The following DNAJC13 variants were observed in gnomAD, a reference collection of about 807,000 sequenced individuals.
DNAJC13 encodes the protein DnaJ heat shock protein family (Hsp40) member C13, also known as dnaJ homolog subfamily C member 13.
In DNAJC13, 75 loss-of-function variants were observed where a neutral mutation model predicts 290.5. The observed-to-expected ratio is 0.26, with a 90% confidence interval of 0.21 to 0.31. The LOEUF (loss-of-function observed/expected upper bound fraction) is 0.31, where lower values mean the gene tolerates loss of function less well. DNAJC13 is among the 10% of genes least tolerant of loss of function. DNAJC13 has a pLI of 1.00. For synonymous variants in DNAJC13, 862 were observed against 892.0 expected (o/e 0.97, Z 0.60); for missense variants, 2,260 against 2,674.5 (o/e 0.85, Z 3.42).
Position 132,472,622 on chromosome 3 carries a change from T to A in DNAJC13, c.2209-523T>A, listed in dbSNP as rs1412645385. The A allele has an allele frequency of 3.1e-6, 3 of 979,890 alleles. No individual in the cohort carries two copies. In the East Asian group the frequency reaches 3.4e-4, roughly 111 times the overall value. The allele number at this position is 979,890 out of a possible 1,614,324, so 60.7% of individuals were successfully genotyped here. A position where few individuals can be genotyped will look rare whatever the true frequency, so the allele number is the denominator to read the frequency against. ...GTGAAATGCATTAAGCTGCCTGGCA[T>A]GTGGAGTCATCTTTGATATTCTCTG... On this transcript the variant is annotated intron_variant, in intron 20 of 55. Transcript: ENST00000260818.
At chr3:132,536,812 A>G (rs1240466531) in intron 55 of DNAJC13, among the ~76,000 whole-genome samples, 1 of 152,174 alleles carries the variant, frequency 6.6e-6, no homozygotes. Flanking sequence ...TGATTGGCTC[A>G]AGGCAGGAGT....
intron 36 of DNAJC13, among the ~76,000 whole-genome samples, chr3:132,497,660 AC>A (rs1238148733): frequency 4.6e-5 from 7 of 152,158 alleles, no homozygotes; most frequent in Non-Finnish European, 8.8e-5. Context: ...CTTTTTCAAA[AC>A]CCTTGGTTGT....
At chr3:132,514,921 T>TACGGCCACCACC in intron 46 of DNAJC13, 1 of 194,554 alleles carries the variant, frequency 5.1e-6, no homozygotes, top group Non-Finnish European at 9.2e-6. Context: ...TTCAGTTTGT[T>TACGGCCACCACC]GAGATCTACA....
In DNAJC13 at chr3:132,464,528, T is replaced by C. The variant is rs554211054; in HGVS notation, c.1892+711T>C. 2.0e-5 allele frequency among the ~76,000 whole-genome samples: 3 copies of C among 152,276 alleles called. No individual in the cohort carries two copies. In the South Asian group the frequency reaches 6.2e-4, roughly 32 times the overall value. On this transcript the variant is annotated intron_variant, in intron 17 of 55. Coordinates refer to ENST00000260818, the MANE Select transcript of DNAJC13 (RefSeq NM_015268.4). ...ATAGCATAAGTTGCTGAGTTAAACGTTTAGTTTGTTACAATACTGTACATT... is the reference window on the plus strand; with the variant it reads ...ATAGCATAAGTTGCTGAGTTAAACGCTTAGTTTGTTACAATACTGTACATT...
chr3:132,478,882 C>G (rs1417668731), intron 24 of DNAJC13, among the ~76,000 whole-genome samples: 1 of 152,166 alleles, frequency 6.6e-6, no homozygotes, highest in Non-Finnish European at 1.5e-5. Flanking sequence ...TTTATACTTT[C>G]TTTTGTGTTT....
In DNAJC13 at chr3:132,538,223, A is replaced by T. The variant is rs369566780; in HGVS notation, c.6673A>T (p.Met2225Leu). 1 of 1,613,840 alleles carries T rather than the reference A, an allele frequency of 6.2e-7. No individual in the cohort carries two copies. Among genetic ancestry groups the T allele is most frequent in the African/African-American group, 1.3e-5 (1 of 74,912 alleles). Reference protein sequence around the residue: ...YLTAGTSTSVMSNLPPPVDHE... With the variant: ...YLTAGTSTSVLSNLPPPVDHE... ...TACCGCAGGTACATCTACATCAGTC[A>T]TGTCTAACCTGCCACCTCCTGTAGA... Residue 2225 changes from methionine (M) to leucine (L), a missense_variant, in exon 56 of 56, where the codon ATG becomes TTG. Transcript: ENST00000260818.
At chr3:132,459,080 A>G (rs1933709640) in intron 13 of DNAJC13, among the ~76,000 whole-genome samples, 1 of 152,154 alleles carries the variant, frequency 6.6e-6, no homozygotes, top group African/African-American at 2.4e-5. Context: ...CAGTCTTCCA[A>G]TGAACTTTAG....
At chr3:132,443,707 G>A (rs1156338382) in intron 2 of DNAJC13, among the ~76,000 whole-genome samples, 5 of 152,080 alleles carry the variant, frequency 3.3e-5, no homozygotes, top group East Asian at 1.9e-4. Context: ...AAAGAGGAGC[G>A]GCATGGGGAG....
intron 29 of DNAJC13, 89 bp from the exon 30 acceptor site, chr3:132,488,209 A>C (rs1259321928): frequency 5.2e-6 from 6 of 1,144,026 alleles, no homozygotes; most frequent in Non-Finnish European, 7.1e-6. Flanking sequence ...TTACATAAGG[A>C]GCTATAACCT....
intron 1 of DNAJC13, among the ~76,000 whole-genome samples, chr3:132,434,090 G>C (rs895968624): frequency 3.9e-5 from 6 of 152,144 alleles, no homozygotes; most frequent in Non-Finnish European, 8.8e-5. Flanking sequence ...GGCGTCTGTA[G>C]TCCCAGCTAC....
At chr3:132,530,651 A>T (rs1233505306) in intron 54 of DNAJC13, among the ~76,000 whole-genome samples, 2 of 152,196 alleles carry the variant, frequency 1.3e-5, no homozygotes, top group Non-Finnish European at 2.9e-5. Flanking sequence ...CCTCAGGAAT[A>T]GCTCATCAGC....
At chr3:132,511,276 C>T (rs1553751357) in intron 44 of DNAJC13, 32 bp downstream of exon 44, 8 of 1,601,340 alleles carry the variant, frequency 5.0e-6, no homozygotes, top group East Asian at 4.5e-5. Context: ...CAATAAGACT[C>T]GTATAATACA....
Position 132,483,491 on chromosome 3 carries a change from C to T in DNAJC13, c.3096C>T (p.Ala1032=), listed in dbSNP as rs749465929. 6.2e-6 allele frequency: 10 copies of T among 1,614,014 alleles called. No homozygotes were observed. Among genetic ancestry groups the T allele is most frequent in the South Asian group, 1.1e-5 (1 of 91,082 alleles). Residue 1032 remains alanine (A), a synonymous_variant, in exon 28 of 56, where the codon GCC becomes GCT. Transcript: ENST00000260818. ...SIPQLKWCLL[A]SGQAVLNETD... is the part of the protein sequence containing the mutation. ...CCCAGCTTAAGTGGTGTCTCTTAGCCAGTGGACAGGCTGTCCTGAATGAAA... is the reference window on the plus strand; with the variant it reads ...CCCAGCTTAAGTGGTGTCTCTTAGCTAGTGGACAGGCTGTCCTGAATGAAA...
At chr3:132,504,310 GTT>G (rs10563201) in intron 41 of DNAJC13, among the ~76,000 whole-genome samples, 69,042 of 140,118 alleles carry the variant, frequency 0.49, 18,882 homozygotes, top group East Asian at 0.76. Context: ...GATGCTACTG[GTT>G]TTTTTTTTTT....
intron 35 of DNAJC13, among the ~76,000 whole-genome samples, chr3:132,495,810 TA>T (rs1935217248): frequency 6.6e-6 from 1 of 152,138 alleles, no homozygotes; most frequent in Non-Finnish European, 1.5e-5. Flanking sequence ...TTCATATGTT[TA>T]AGGTATTTTT....
At chr3:132,433,040 T>G (rs1325941911) in intron 1 of DNAJC13, among the ~76,000 whole-genome samples, 3 of 152,208 alleles carry the variant, frequency 2.0e-5, no homozygotes, top group African/African-American at 4.8e-5. Context: ...ATAGAATAAT[T>G]ACATGGGGAA....
chr3:132,503,156 AG>A (rs2107721596), intron 40 of DNAJC13, 57 bp from the exon 41 acceptor site: 1 of 1,544,656 alleles, frequency 6.5e-7, no homozygotes, highest in South Asian at 1.2e-5. Context: ...GTAAAATTAT[AG>A]TATTACCTAT....
chr3:132,497,547 G>C (rs1935273570), intron 36 of DNAJC13, among the ~76,000 whole-genome samples: 1 of 152,220 alleles, frequency 6.6e-6, no homozygotes, highest in East Asian at 1.9e-4. Context: ...GATTATTAAA[G>C]AGAGCAGTGA....
Position 132,456,364 on chromosome 3 carries a change from A to G in DNAJC13, c.1062A>G (p.Val354=). 3 of 1,613,932 alleles carry G rather than the reference A, an allele frequency of 1.9e-6. No individual in the cohort carries two copies. The highest frequency in any genetic ancestry group is 2.5e-6 in the Non-Finnish European group (3 of 1,179,882). ...GLLSMPVDEE[V]ESLHLRFLAT... ...TCAGCATGCCTGTTGATGAGGAAGT[A>G]GAGAGCCTTCACCTCAGGTTCTTAG... The change falls in exon 10 of 56, where the codon GTA becomes GTG. Residue 354 remains valine, a synonymous_variant. Transcript: ENST00000260818.
Sources: allele counts gnomAD v4.1 joint callset (sites outside exome capture counted in the v4.1 genomes callset), GRCh38; gene constraint gnomAD v4.1.1; transcripts MANE v1.5; gene names NCBI Gene and HGNC (gene_info 2026-07-23, HGNC 2026-07-21).